Variants in P4HA1 observed in about 807,000 individuals in gnomAD.
P4HA1 encodes the protein prolyl 4-hydroxylase subunit alpha-1.
In P4HA1, 24 loss-of-function variants were observed where a neutral mutation model predicts 72.8. The observed-to-expected ratio is 0.33, with a 90% confidence interval of 0.24 to 0.46. The LOEUF (loss-of-function observed/expected upper bound fraction) is 0.46, where lower values mean the gene tolerates loss of function less well. P4HA1 is among the 20% of genes least tolerant of loss of function. P4HA1 has a pLI of 1.00. For missense variants in P4HA1, 446 were observed against 640.6 expected (o/e 0.70, Z 3.28); for synonymous variants, 201 against 218.8 (o/e 0.92, Z 0.72).
chr10:73,030,532 T>C (rs779811066), intron 9 of P4HA1, among the ~76,000 whole-genome samples, 162 bp from the exon 10 acceptor site: 1 of 152,206 alleles, frequency 6.6e-6, no homozygotes, highest in South Asian at 2.1e-4. Flanking sequence ...TTAATGGATA[T>C]TGTAATTTTT....
chr10:73,011,464 C>CA (rs1839908008), intron 12 of P4HA1, among the ~76,000 whole-genome samples: 1 of 151,992 alleles, frequency 6.6e-6, no homozygotes, highest in African/African-American at 2.4e-5. Flanking sequence ...AATAGTACCT[C>CA]AAGAACAGTA....
At chr10:73,077,425 A>C (rs1841724143) in intron 1 of P4HA1, among the ~76,000 whole-genome samples, 2 of 152,236 alleles carry the variant, frequency 1.3e-5, no homozygotes, top group Non-Finnish European at 2.9e-5. Flanking sequence ...AAGGAATTAA[A>C]AACCATTAGC....
Position 73,030,356 on chromosome 10 carries a change from C to G in P4HA1, c.1163G>C (p.Gly388Ala). 1 of 1,558,442 alleles carries G rather than the reference C, an allele frequency of 6.4e-7. No individual in the cohort carries two copies. Among genetic ancestry groups the G allele is most frequent in the Non-Finnish European group, 8.8e-7 (1 of 1,139,418 alleles). The stretch of plus-strand genomic sequence containing the variant: ...TCGAGACACCACAGGATTTTCATAG[C>G]CAGAGAGCCAGGCACTAAGAATAAG... The part of the protein sequence containing the change: ...YRISKSAWLS[G>A]YENPVVSRIN... The change falls in exon 10 of 15, where the codon GGC becomes GCC. Residue 388 changes from glycine to alanine, a missense_variant. Gly to Ala is a moderately conservative substitution (Grantham distance 60, BLOSUM62 0). Transcript: ENST00000394890.
chr10:73,093,639 C>A (rs543077823), intron 1 of P4HA1, among the ~76,000 whole-genome samples: 126 of 151,120 alleles, frequency 8.3e-4, no homozygotes, highest in Middle Eastern at 3.4e-3. Flanking sequence ...GTAAAGAGAT[C>A]GAGACCATCC....
chr10:73,079,691 G>T (rs1841780798), intron 1 of P4HA1, among the ~76,000 whole-genome samples: 1 of 151,998 alleles, frequency 6.6e-6, no homozygotes, highest in African/African-American at 2.4e-5. Flanking sequence ...CCTGTGGGCT[G>T]AGATCTCGCC....
At chr10:73,049,120 GA>G (rs111366143) in intron 7 of P4HA1, among the ~76,000 whole-genome samples, 9 of 115,652 alleles carry the variant, frequency 7.8e-5, no homozygotes, top group Admixed American at 5.6e-4. Flanking sequence ...CCGTCTCAGA[GA>G]AAAAAAAAAG....
intron 10 of P4HA1, among the ~76,000 whole-genome samples, chr10:73,019,358 G>A (rs1361967409): frequency 6.6e-6 from 1 of 151,918 alleles, no homozygotes. Flanking sequence ...CAGGAAACAA[G>A]AAACATTAAA....
intron 9 of P4HA1, among the ~76,000 whole-genome samples, chr10:73,036,026 T>TA (rs1178599217): frequency 2.6e-5 from 4 of 151,870 alleles, no homozygotes; most frequent in South Asian, 2.1e-4. Context: ...CCGCCTCCAC[T>TA]AAAAATACAA....
In P4HA1 at chr10:73,011,053, G is replaced by C. The variant is rs750616527; in HGVS notation, c.1369-16C>G. Reference sequence around the variant, plus strand: ...CATCACTCATCTATAAGAAACAAGAGGGTGTTATCAAAAGTGCTGGTAGAA... The same window carrying C: ...CATCACTCATCTATAAGAAACAAGACGGTGTTATCAAAAGTGCTGGTAGAA... On this transcript the variant is annotated splice_polypyrimidine_tract_variant and intron_variant, in intron 12 of 14. Coordinates refer to ENST00000394890, the MANE Select transcript of P4HA1 (RefSeq NM_001017962.3). 1.2e-6 allele frequency: 2 copies of C among 1,602,132 alleles called. No individual in the cohort carries two copies. The highest frequency in any genetic ancestry group is 1.7e-6 in the Non-Finnish European group (2 of 1,171,166).
At chr10:73,096,552 G>A (rs559563875) in intron 1 of P4HA1, among the ~76,000 whole-genome samples, 2 of 152,242 alleles carry the variant, frequency 1.3e-5, no homozygotes, top group South Asian at 2.1e-4. Flanking sequence ...AGGTGGGAAG[G>A]GGGGCACGAA....
At chr10:73,087,338 G>T (rs1195684754) in intron 1 of P4HA1, among the ~76,000 whole-genome samples, 3 of 140,884 alleles carry the variant, frequency 2.1e-5, no homozygotes, top group South Asian at 2.2e-4. Context: ...GCACAATCTT[G>T]TCTCACTGCA....
intron 5 of P4HA1, among the ~76,000 whole-genome samples, chr10:73,055,890 A>C (rs1323411004): frequency 6.6e-6 from 1 of 152,234 alleles, no homozygotes; most frequent in Non-Finnish European, 1.5e-5. Flanking sequence ...GAACTAAAAT[A>C]GAGGTTAACT....
intron 5 of P4HA1, among the ~76,000 whole-genome samples, chr10:73,062,800 C>T (rs2133116200): frequency 6.6e-6 from 1 of 152,258 alleles, no homozygotes; most frequent in South Asian, 2.1e-4. Flanking sequence ...AAGTTATGGG[C>T]ACGTTTTGCT....
intron 11 of P4HA1, among the ~76,000 whole-genome samples, chr10:73,014,601 C>CT (rs1839975882): frequency 6.6e-6 from 1 of 152,094 alleles, no homozygotes; most frequent in African/African-American, 2.4e-5. Context: ...AACTTGTATA[C>CT]TGGATACTTT....
chr10:73,025,669 A>G (rs1428595671), intron 10 of P4HA1, among the ~76,000 whole-genome samples: 3 of 152,112 alleles, frequency 2.0e-5, no homozygotes, highest in Admixed American at 2.0e-4. Context: ...CAGGAAGTCA[A>G]ATTGTCCCTG....
chr10:73,018,238 A>G (rs1840053851), intron 10 of P4HA1, among the ~76,000 whole-genome samples: 1 of 152,136 alleles, frequency 6.6e-6, no homozygotes, highest in African/African-American at 2.4e-5. Flanking sequence ...TGGGCCACCC[A>G]GAACAGTCAC....
At chr10:73,047,483 C>T (rs1202523498) in intron 7 of P4HA1, among the ~76,000 whole-genome samples, 1 of 49,004 alleles carries the variant, frequency 2.0e-5, no homozygotes, top group African/African-American at 6.6e-5. Context: ...CACCCAGAGA[C>T]AAAAAGTTTC....
chr10:73,095,242 A>G (rs898799455), intron 1 of P4HA1, among the ~76,000 whole-genome samples: 1 of 151,326 alleles, frequency 6.6e-6, no homozygotes, highest in African/African-American at 2.4e-5. Flanking sequence ...AAAAAAAAAA[A>G]AAAAAAAAAA....
intron 9 of P4HA1, among the ~76,000 whole-genome samples, chr10:73,044,368 A>G (rs1183316327): frequency 6.6e-6 from 1 of 152,200 alleles, no homozygotes; most frequent in African/African-American, 2.4e-5. Context: ...TCTCTCTGGC[A>G]AAGTAAAAGG....
Sources: gnomAD v4.1 joint callset for allele counts (sites outside exome capture counted in the v4.1 genomes callset) on GRCh38, gnomAD v4.1.1 for gene constraint, MANE v1.5 for transcripts, NCBI Gene and HGNC (gene_info 2026-07-23, HGNC 2026-07-21) for gene names.